Variants in ENTREP1 observed in about 807,000 individuals in gnomAD.
ENTREP1 encodes the protein endosomal transmembrane epsin interactor 1, also known as Friedreich ataxia region gene X123.
chr9:69,353,332 A>G, the ENTREP1 span, among the ~76,000 whole-genome samples: 22 of 152,188 alleles, frequency 1.4e-4, no homozygotes, highest in Non-Finnish European at 2.5e-4. Flanking sequence ...CTCAATAGAA[A>G]AGTTGAGCAA....
chr9:69,324,805 C>G, the ENTREP1 span: 2 of 985,322 alleles, frequency 2.0e-6, no homozygotes, highest in Non-Finnish European at 2.4e-6. Flanking sequence ...GCCAGGGCCT[C>G]TCTCGTGGCT....
chr9:69,326,522 C>T, the ENTREP1 span, among the ~76,000 whole-genome samples: 20 of 152,210 alleles, frequency 1.3e-4, no homozygotes, highest in Middle Eastern at 3.4e-3. Context: ...CAAAGAGTGC[C>T]CAACTTCAGA....
chr9:69,389,105 A>T, the ENTREP1 span, among the ~76,000 whole-genome samples: 66,287 of 151,854 alleles, frequency 0.44, 14,975 homozygotes, highest in African/African-American at 0.55. Flanking sequence ...GAATGAATGG[A>T]GTTTCCTTCT....
At chr9:69,333,117 T>TAC in the ENTREP1 span, among the ~76,000 whole-genome samples, 3 of 152,106 alleles carry the variant, frequency 2.0e-5, no homozygotes, top group Non-Finnish European at 4.4e-5. Flanking sequence ...TGTGTATATA[T>TAC]ACACATAGAC....
At chr9:69,361,884 T>C in the ENTREP1 span, among the ~76,000 whole-genome samples, 1 of 152,180 alleles carries the variant, frequency 6.6e-6, no homozygotes. Context: ...TTCATTCTTG[T>C]CCACCAACTT....
chr9:69,346,511 A>G, the ENTREP1 span, among the ~76,000 whole-genome samples: 1 of 152,228 alleles, frequency 6.6e-6, no homozygotes, highest in Non-Finnish European at 1.5e-5. Flanking sequence ...CCTCTTTTAT[A>G]TAAGATAAAG....
chr9:69,391,530 A>C, the ENTREP1 span: 4 of 1,281,794 alleles, frequency 3.1e-6, no homozygotes, highest in Middle Eastern at 5.6e-4. Context: ...GGATGGACCT[A>C]GGAGGTAGGT....
the ENTREP1 span, among the ~76,000 whole-genome samples, chr9:69,356,055 G>T: frequency 1.3e-5 from 2 of 152,120 alleles, no homozygotes; most frequent in African/African-American, 4.8e-5. Context: ...TCACAGTGTT[G>T]TGCTGCACCA....
the ENTREP1 span, among the ~76,000 whole-genome samples, chr9:69,385,380 A>C: frequency 1.3e-5 from 2 of 152,146 alleles, no homozygotes; most frequent in Non-Finnish European, 2.9e-5. Flanking sequence ...TGCAGCCCAC[A>C]GAGCAGCCAC....
chr9:69,358,880 TTTTTTC>T, the ENTREP1 span, among the ~76,000 whole-genome samples: 2 of 148,946 alleles, frequency 1.3e-5, no homozygotes, highest in African/African-American at 4.9e-5. Flanking sequence ...TAAAGCCTTT[TTTTTTC>T]TTTTTCTTTT....
chr9:69,383,284 A>G, the ENTREP1 span: 3 of 714,536 alleles, frequency 4.2e-6, no homozygotes, highest in Admixed American at 1.6e-4. Context: ...TCAGTACTTC[A>G]GAGAGACCCC....
At chr9:69,378,539 G>A in the ENTREP1 span, among the ~76,000 whole-genome samples, 18 of 151,814 alleles carry the variant, frequency 1.2e-4, no homozygotes, top group Admixed American at 2.6e-4. Context: ...AGGCTGAGGC[G>A]GGCAGATCAT....
At chr9:69,330,858 T>C in the ENTREP1 span, among the ~76,000 whole-genome samples, 1 of 152,156 alleles carries the variant, frequency 6.6e-6, no homozygotes, top group Admixed American at 6.5e-5. Flanking sequence ...AGAGTATACA[T>C]AGGAGAGTGC....
the ENTREP1 span, among the ~76,000 whole-genome samples, chr9:69,384,283 C>T: frequency 2.0e-5 from 3 of 152,124 alleles, no homozygotes; most frequent in Admixed American, 6.5e-5. Flanking sequence ...GTTCAAGCTA[C>T]ACCTTTTTCT....
At chr9:69,336,626 A>G in the ENTREP1 span, among the ~76,000 whole-genome samples, 2 of 152,198 alleles carry the variant, frequency 1.3e-5, no homozygotes, top group South Asian at 2.1e-4. Flanking sequence ...CCCAGGTTCC[A>G]TAATGATGAA....
the ENTREP1 span, among the ~76,000 whole-genome samples, chr9:69,346,908 T>C: frequency 6.6e-6 from 1 of 152,200 alleles, no homozygotes; most frequent in Non-Finnish European, 1.5e-5. Flanking sequence ...CTGTGGCATT[T>C]TGAGTTCCAC....
chr9:69,358,455 G>A, the ENTREP1 span, among the ~76,000 whole-genome samples: 1 of 152,092 alleles, frequency 6.6e-6, no homozygotes, highest in Non-Finnish European at 1.5e-5. Flanking sequence ...CACCACTTAG[G>A]TTTTTGTGTT....
the ENTREP1 span, chr9:69,383,629 GGAT>G: frequency 6.2e-7 from 1 of 1,613,990 alleles, no homozygotes; most frequent in East Asian, 2.2e-5. Context: ...GCTTTTCCTA[GGAT>G]GGTTGGTCCT....
the ENTREP1 span, among the ~76,000 whole-genome samples, chr9:69,340,395 A>C: frequency 6.6e-6 from 1 of 152,170 alleles, no homozygotes; most frequent in South Asian, 2.1e-4. Flanking sequence ...TTGAACAAAA[A>C]AGGGTCACTG....
Sources: gnomAD v4.1 joint callset for allele counts (sites outside exome capture counted in the v4.1 genomes callset) on GRCh38, gnomAD v4.1.1 for gene constraint, MANE v1.5 for transcripts, NCBI Gene and HGNC (gene_info 2026-07-23, HGNC 2026-07-21) for gene names.